Variants in CCDC112 observed in about 807,000 individuals in gnomAD.
The protein encoded by CCDC112 is coiled-coil domain-containing protein 112.
In CCDC112, 40 loss-of-function variants were observed where a neutral mutation model predicts 66.3. The observed-to-expected ratio is 0.60, with a 90% CI of 0.47 to 0.79. The LOEUF (loss-of-function observed/expected upper bound fraction) is 0.79. CCDC112 is among the 30% of genes least tolerant of loss of function. CCDC112 has a pLI of 0.00. For missense variants in CCDC112, 659 were observed against 603.8 expected, an observed-to-expected ratio of 1.09 and a Z score of -0.96; for synonymous variants, 214 against 197.2, an observed-to-expected ratio of 1.09 and a Z score of -0.71.
intron 1 of CCDC112, among the ~76,000 whole-genome samples, chr5:115,286,463 AT>A (rs1317326301): frequency 6.6e-6 from 1 of 152,248 alleles, no homozygotes; most frequent in East Asian, 1.9e-4. Context: ...CTGATGGACA[AT>A]TGGGGTGTTT....
chr5:115,285,951 G>C (rs1749657169), intron 1 of CCDC112, among the ~76,000 whole-genome samples: 1 of 152,116 alleles, frequency 6.6e-6, no homozygotes, highest in Admixed American at 6.5e-5. Context: ...ATGGGTTGTG[G>C]GGGATGAGGG....
chr5:115,267,305 T>C lies in CCDC112; in HGVS notation c.*571A>G, dbSNP rs1748776887. ...TCAATAATACAATTAATAGGGTATA[T>C]GAGAGACATATTTTTAAAATAAATA... On this transcript the variant is annotated 3_prime_UTR_variant, in exon 10 of 10. Transcript: ENST00000379611. The C allele has an allele frequency of 6.5e-6, 1 of 152,730 alleles. No individual in the cohort carries two copies. The highest frequency in any genetic ancestry group is 2.4e-5 in the African/African-American group (1 of 41,466). The allele number at this position is 152,730 out of a possible 1,614,324, so 9.5% of individuals were successfully genotyped here.
chr5:115,286,871 C>G (rs1749696570), intron 1 of CCDC112, among the ~76,000 whole-genome samples: 1 of 152,102 alleles, frequency 6.6e-6, no homozygotes, highest in Non-Finnish European at 1.5e-5. Flanking sequence ...GCCATAACCA[C>G]ACAACTGCAC....
At chr5:115,276,210 G>T in intron 4 of CCDC112, 141 bp from the exon 5 acceptor site, 1 of 584,658 alleles carries the variant, frequency 1.7e-6, no homozygotes, top group Non-Finnish European at 2.9e-6. Flanking sequence ...GCTCAAAAGT[G>T]AATTTTTATG....
Position 115,271,322 on chromosome 5 carries a change from T to A in CCDC112, c.1223A>T (p.Lys408Met), listed in dbSNP as rs142993660. The A allele has an allele frequency of 5.3e-5, 86 of 1,613,142 alleles. No individual in the cohort carries two copies. The highest frequency in any genetic ancestry group is 7.2e-5 in the Non-Finnish European group (85 of 1,179,880). Residue 408 changes from lysine to methionine, a missense_variant, in exon 7 of 10, where the codon AAG becomes ATG. Transcript: ENST00000379611. ...KLLLESYTQQ[K>M]KEQEEFLRLE... is the part of the protein sequence containing the mutation. ...CCTCAAAAATTCTTCCTGTTCTTTC[T>A]TCTGCTGGGTATAACTTTCTAGTAG... is the stretch of plus-strand genomic sequence containing the variant.
chr5:115,275,161 T>C, intron 6 of CCDC112, 55 bp downstream of exon 6: 3 of 1,340,834 alleles, frequency 2.2e-6, no homozygotes, highest in Middle Eastern at 4.5e-4. Flanking sequence ...AAGTGTTTAG[T>C]ACAGTGCCTA....
Position 115,289,152 on chromosome 5 carries a change from CT to C in CCDC112, c.118-4245del, listed in dbSNP as rs1749812069. 2.4e-5 allele frequency: 5 copies of C among 211,534 alleles called. No individual in the cohort carries two copies. In the South Asian group the frequency reaches 3.6e-4, roughly 15 times the overall value. 13.1% of individuals were successfully genotyped at this position (211,534 alleles called of 1,614,324 possible). On this transcript the variant is annotated intron_variant, in intron 1 of 9. Coordinates refer to ENST00000379611, the MANE Select transcript of CCDC112 (RefSeq NM_001040440.3). ...TGGTTAGCCACTTTGGCCAGTTTTC[CT>C]TTTGTTCTCCTTTTCCCTTCGGTTT...
At chr5:115,278,140 G>A (rs1749287822) in intron 3 of CCDC112, among the ~76,000 whole-genome samples, 1 of 152,106 alleles carries the variant, frequency 6.6e-6, no homozygotes, top group East Asian at 1.9e-4. Flanking sequence ...TGAACTTTAG[G>A]TCATGAAACC....
At chr5:115,291,415 A>G (rs1470093303) in intron 1 of CCDC112, among the ~76,000 whole-genome samples, 1 of 152,158 alleles carries the variant, frequency 6.6e-6, no homozygotes, top group Non-Finnish European at 1.5e-5. Context: ...ATCTGTATTT[A>G]TAACAGATAC....
chr5:115,272,384 T>C (rs1209839767), intron 6 of CCDC112, among the ~76,000 whole-genome samples: 1 of 152,228 alleles, frequency 6.6e-6, no homozygotes, highest in Non-Finnish European at 1.5e-5. Context: ...ACATGAGCAC[T>C]GAAGTCAGAC....
intron 4 of CCDC112, 90 bp from the exon 5 acceptor site, chr5:115,276,159 A>T (rs1749198761): frequency 1.1e-6 from 1 of 888,430 alleles, no homozygotes; most frequent in African/African-American, 1.7e-5. Flanking sequence ...ATGTTCTCCT[A>T]ATTTTAAAAT....
rs1397761768 is a variant in CCDC112 at position 115,271,357 on chromosome 5, C to T, written c.1188G>A (p.Lys396=). 1.2e-6 allele frequency: 2 copies of T among 1,612,350 alleles called. No homozygotes were observed. The highest frequency in any genetic ancestry group is 4.5e-5 in the East Asian group (2 of 44,826). The change falls in exon 7 of 10, where the codon AAG becomes AAA. Residue 396 remains lysine, a synonymous_variant. Coordinates refer to ENST00000379611, the MANE Select transcript of CCDC112 (RefSeq NM_001040440.3). ...KHQKERQRQF[K]LKLLLESYTQ... is the part of the protein sequence containing the mutation. The stretch of plus-strand genomic sequence containing the variant: ...TATAACTTTCTAGTAGTAATTTTAA[C>T]TTAAACTGGCGCTGGCGTTCTTTCT...
chr5:115,288,575 T>C lies in CCDC112; in HGVS notation c.118-3667A>G, dbSNP rs1306776573. Among the ~76,000 whole-genome samples the C allele has an allele frequency of 3.3e-5, 5 of 152,166 alleles. No individual in the cohort carries two copies. The East Asian group carries it at 7.7e-4, about 23-fold the overall frequency. On this transcript the variant is annotated intron_variant, in intron 1 of 9. Transcript: ENST00000379611. ...AAGAGTGGTTTTTATAAGGAAACAATTCTACTAAAAAATAACATGGGAATG... is the reference window on the plus strand; with the variant it reads ...AAGAGTGGTTTTTATAAGGAAACAACTCTACTAAAAAATAACATGGGAATG...
intron 1 of CCDC112, among the ~76,000 whole-genome samples, chr5:115,295,026 A>C (rs796771680): frequency 6.6e-6 from 1 of 152,142 alleles, no homozygotes; most frequent in African/African-American, 2.4e-5. Context: ...TTTGGACCAG[A>C]TGATTTTTGT....
chr5:115,274,278 C>T (rs879816827), intron 6 of CCDC112, among the ~76,000 whole-genome samples: 3 of 152,092 alleles, frequency 2.0e-5, no homozygotes, highest in African/African-American at 7.2e-5. Flanking sequence ...ACAGAACAGG[C>T]CCCCACAACA....
chr5:115,294,740 C>T (rs1454248934), intron 1 of CCDC112, among the ~76,000 whole-genome samples: 1 of 152,054 alleles, frequency 6.6e-6, no homozygotes, highest in Non-Finnish European at 1.5e-5. Context: ...TATTCAAGTT[C>T]GGTGTTAGGC....
intron 2 of CCDC112, 42 bp downstream of exon 2, chr5:115,284,745 A>G (rs757974024): frequency 1.4e-6 from 2 of 1,477,704 alleles, no homozygotes; most frequent in Non-Finnish European, 1.9e-6. Context: ...CCATTATAAA[A>G]TGGCTAGTAA....
intron 1 of CCDC112, among the ~76,000 whole-genome samples, chr5:115,294,889 G>T (rs1033585288): frequency 6.6e-6 from 1 of 151,890 alleles, no homozygotes; most frequent in Non-Finnish European, 1.5e-5. Context: ...TTTTAAAAAA[G>T]CCCAAACACA....
rs1291813197 is a variant in CCDC112 at position 115,290,407 on chromosome 5, G to GT, written c.118-5500dup. 2.0e-5 allele frequency among the ~76,000 whole-genome samples: 3 copies of GT among 152,196 alleles called. No individual in the cohort carries two copies. The East Asian group carries it at 5.8e-4, about 29-fold the overall frequency. ...AAGTTAAATTCTGAATTTAACAAGT[G>GT]TAAGTCCTTCAACTTTGTTCTTCTT... On this transcript the variant is annotated intron_variant, in intron 1 of 9. Transcript: ENST00000379611.
Sources: gnomAD v4.1 joint callset for allele counts (sites outside exome capture counted in the v4.1 genomes callset) on GRCh38, gnomAD v4.1.1 for gene constraint, MANE v1.5 for transcripts, NCBI Gene and HGNC (gene_info 2026-07-23, HGNC 2026-07-21) for gene names.